Variants in WWOX observed in about 807,000 individuals in gnomAD.
WWOX encodes WW domain containing oxidoreductase, also known as WW domain-containing oxidoreductase.
A neutral mutation model predicts 46.2 loss-of-function variants in WWOX; 69 were observed. The observed-to-expected ratio is 1.49, with a 90% CI of 1.23 to 1.82. The LOEUF (loss-of-function observed/expected upper bound fraction) is 1.82. Ranked by LOEUF, WWOX falls within the 40% of genes most tolerant of loss-of-function variation. The pLI is 0.00. For synonymous variants in WWOX, 359 were observed against 202.6 expected (o/e 1.77, Z -6.56); for missense variants, 919 against 542.6 (o/e 1.69, Z -6.89).
At chr16:78,419,661 C>T (rs1033252313) in intron 6 of WWOX, among the ~76,000 whole-genome samples, 1 of 125,438 alleles carries the variant, frequency 8.0e-6, no homozygotes, top group African/African-American at 3.0e-5. Context: ...GGGTCAGAGA[C>T]TTAAATGTAA....
intron 8 of WWOX, among the ~76,000 whole-genome samples, chr16:79,100,077 A>G (rs891652317): frequency 6.6e-6 from 1 of 152,186 alleles, no homozygotes; most frequent in Non-Finnish European, 1.5e-5. Flanking sequence ...ACCATCTAAG[A>G]TTATCTCCCT....
chr16:78,243,702 A>G (rs180781966), intron 5 of WWOX, among the ~76,000 whole-genome samples: 191 of 152,286 alleles, frequency 1.3e-3, no homozygotes, highest in Admixed American at 3.3e-3. Context: ...GTGCACCACC[A>G]TGCCCGGCTA....
intron 5 of WWOX, among the ~76,000 whole-genome samples, chr16:78,275,270 A>C (rs1010760245): frequency 3.3e-5 from 5 of 152,160 alleles, no homozygotes. Context: ...GTTTCTCTTA[A>C]AAAACTGGAA....
intron 8 of WWOX, among the ~76,000 whole-genome samples, chr16:78,710,489 TATATATATATTTATATAA>T (rs2048419048): frequency 7.4e-6 from 1 of 135,108 alleles, no homozygotes; most frequent in Non-Finnish European, 1.6e-5. Context: ...TATATATATA[TATATATATATTTATATAA>T]ATATATTTTA....
Position 78,670,618 on chromosome 16 carries a change from C to G in WWOX, c.1056+237866C>G, listed in dbSNP as rs144664973. 9.5e-3 allele frequency among the ~76,000 whole-genome samples: 1,449 copies of G among 152,100 alleles called. 25 individuals carry two copies. The highest frequency in any genetic ancestry group is 0.024 in the East Asian group (123 of 5,146). On this transcript the variant is annotated intron_variant, in intron 8 of 8. Coordinates refer to ENST00000566780, the MANE Select transcript of WWOX (RefSeq NM_016373.4). ...GAATAATGTCCCCCCAAATTCGTGT[C>G]TATCTGGAACCTCAGAATGTGACCT...
chr16:79,019,455 A>C (rs754457043), intron 8 of WWOX, among the ~76,000 whole-genome samples: 1 of 152,116 alleles, frequency 6.6e-6, no homozygotes, highest in Non-Finnish European at 1.5e-5. Context: ...CAACATATCT[A>C]AACATAGAAA....
At chr16:78,641,080 G>C (rs942361793) in intron 8 of WWOX, among the ~76,000 whole-genome samples, 12 of 152,162 alleles carry the variant, frequency 7.9e-5, no homozygotes, top group Non-Finnish European at 1.2e-4. Flanking sequence ...ACTCCTCAAA[G>C]CTGAGAGGAG....
chr16:78,149,346 T>C (rs1021187531), intron 4 of WWOX, among the ~76,000 whole-genome samples: 1 of 152,192 alleles, frequency 6.6e-6, no homozygotes, highest in African/African-American at 2.4e-5. Context: ...TGGAAGAACA[T>C]AGAGAGAAAC....
chr16:78,971,447 T>TC lies in WWOX; in HGVS notation c.1057-240160dup, dbSNP rs1597222025. 1.2e-4 allele frequency among the ~76,000 whole-genome samples: 4 copies of TC among 34,596 alleles called. No homozygotes were observed. In the East Asian group the frequency reaches 3.5e-3, roughly 30 times the overall value. The allele number at this position is 34,596 out of a possible 152,430, so 22.7% of individuals were successfully genotyped here. ...TCCAGTCTGGGTGACAGACTCTGTG[T>TC]CAAAAAAAAAAAAAAAAAAAAAAAA... On this transcript the variant is annotated intron_variant, in intron 8 of 8. Coordinates refer to ENST00000566780, the MANE Select transcript of WWOX (RefSeq NM_016373.4).
chr16:78,711,267 T>C (rs891894375), intron 8 of WWOX, among the ~76,000 whole-genome samples: 11 of 152,212 alleles, frequency 7.2e-5, no homozygotes, highest in African/African-American at 9.6e-5. Context: ...GATGTATATA[T>C]ACGTTAAAAA....
intron 8 of WWOX, among the ~76,000 whole-genome samples, chr16:79,200,853 C>T (rs561226077): frequency 1.9e-3 from 290 of 152,258 alleles, no homozygotes; most frequent in Middle Eastern, 0.017. Context: ...AGGCGAGTCT[C>T]TATACGGCAG....
intron 5 of WWOX, among the ~76,000 whole-genome samples, chr16:78,300,900 T>C (rs1346186950): frequency 6.6e-6 from 1 of 152,108 alleles, no homozygotes; most frequent in Non-Finnish European, 1.5e-5. Flanking sequence ...TGTTTTGCCA[T>C]GTTTTGTCAG....
rs975061699 is a variant in WWOX, at chr16:78,756,394, A to G, written c.1056+323642A>G. 3.9e-5 allele frequency among the ~76,000 whole-genome samples: 6 copies of G among 152,320 alleles called. No individual in the cohort carries two copies. The East Asian group carries it at 1.2e-3, about 29-fold the overall frequency. On this transcript the variant is annotated intron_variant, in intron 8 of 8. Coordinates refer to ENST00000566780, the MANE Select transcript of WWOX (RefSeq NM_016373.4). Reference sequence around the variant, plus strand: ...GGCGGTTGAGATAGGACAGAACTCCAGAGGACTCTTAAACATTATTCAGGA... The same window carrying G: ...GGCGGTTGAGATAGGACAGAACTCCGGAGGACTCTTAAACATTATTCAGGA...
At chr16:78,380,935 G>C (rs1347997994) in intron 5 of WWOX, among the ~76,000 whole-genome samples, 1 of 152,152 alleles carries the variant, frequency 6.6e-6, no homozygotes, top group Admixed American at 6.5e-5. Flanking sequence ...CCATTGTGTG[G>C]CTTGTACCTT....
chr16:78,172,043 C>G (rs945023359), intron 5 of WWOX, among the ~76,000 whole-genome samples: 1 of 152,202 alleles, frequency 6.6e-6, no homozygotes, highest in African/African-American at 2.4e-5. Context: ...TAGACTTTCC[C>G]AGGCTCACAC....
At chr16:79,039,384 C>T (rs945349426) in intron 8 of WWOX, among the ~76,000 whole-genome samples, 1 of 152,130 alleles carries the variant, frequency 6.6e-6, no homozygotes, top group East Asian at 1.9e-4. Context: ...CCGAAAACGA[C>T]CCCCTTCCCC....
chr16:78,899,273 G>C (rs917860005), intron 8 of WWOX: 1 of 152,228 alleles, frequency 6.6e-6, no homozygotes, highest in East Asian at 1.9e-4. Flanking sequence ...TTTTATAAAT[G>C]TGTTCATATA....
chr16:78,368,149 G>T (rs964881121), intron 5 of WWOX, among the ~76,000 whole-genome samples: 3 of 152,172 alleles, frequency 2.0e-5, no homozygotes, highest in East Asian at 1.9e-4. Context: ...TGTCAACTTT[G>T]TAAGGGCTCA....
chr16:79,013,526 A>G lies in WWOX; in HGVS notation c.1057-198082A>G, dbSNP rs116442068. Reference sequence around the variant, plus strand: ...GTCACTCAAAGCTCAGGCGTGTGCAACAGGGACAGCAAAAGCACACACAAT... The same window carrying G: ...GTCACTCAAAGCTCAGGCGTGTGCAGCAGGGACAGCAAAAGCACACACAAT... On this transcript the variant is annotated intron_variant, in intron 8 of 8. Transcript: ENST00000566780. Among the ~76,000 whole-genome samples the G allele has an allele frequency of 2.3e-3, 348 of 152,274 alleles. 2 individuals carry two copies. The highest frequency in any genetic ancestry group is 8.1e-3 in the African/African-American group (335 of 41,552).
Sources: allele counts gnomAD v4.1 joint callset (sites outside exome capture counted in the v4.1 genomes callset), GRCh38; gene constraint gnomAD v4.1.1; transcripts MANE v1.5; gene names NCBI Gene and HGNC (gene_info 2026-07-23, HGNC 2026-07-21).